SNTB1: variants seen among roughly 807,000 people sequenced by gnomAD.
SNTB1 encodes syntrophin beta 1.
A neutral mutation model predicts 48.9 loss-of-function variants in SNTB1; 36 were observed. The observed-to-expected ratio is 0.74, with a 90% CI of 0.56 to 0.97. The LOEUF (loss-of-function observed/expected upper bound fraction) is 0.97, where lower values mean the gene tolerates loss of function less well. Ranked by LOEUF, SNTB1 falls within the 50% of genes least tolerant of loss-of-function variation. The pLI, the probability that SNTB1 is intolerant of heterozygous loss-of-function variation, is 0.00. For missense variants in SNTB1, 786 were observed against 703.4 expected (o/e 1.12, Z -1.33); for synonymous variants, 299 against 294.6 (o/e 1.01, Z -0.15).
chr8:120,708,732 A>C (rs2129911493), intron 1 of SNTB1, among the ~76,000 whole-genome samples: 1 of 152,342 alleles, frequency 6.6e-6, no homozygotes. Flanking sequence ...AAGTGAGGAA[A>C]ATACATTTTA....
intron 3 of SNTB1, among the ~76,000 whole-genome samples, chr8:120,611,011 G>C (rs1428813423): frequency 6.6e-6 from 1 of 152,164 alleles, no homozygotes; most frequent in East Asian, 1.9e-4. Context: ...ACAAAGGTTA[G>C]TCTTCTGTAA....
chr8:120,788,900 A>G (rs756721696), intron 1 of SNTB1, among the ~76,000 whole-genome samples: 9 of 152,004 alleles, frequency 5.9e-5, no homozygotes, highest in Non-Finnish European at 1.3e-4. Context: ...GATCTAAAAG[A>G]CCCTTACAAA....
intron 3 of SNTB1, among the ~76,000 whole-genome samples, chr8:120,593,253 C>T (rs1816272244): frequency 6.6e-6 from 1 of 152,182 alleles, no homozygotes; most frequent in South Asian, 2.1e-4. Flanking sequence ...CCCACTGAAG[C>T]AGGCACCGAA....
chr8:120,677,365 C>G (rs1346102169), intron 2 of SNTB1, among the ~76,000 whole-genome samples: 1 of 152,140 alleles, frequency 6.6e-6, no homozygotes, highest in Non-Finnish European at 1.5e-5. Flanking sequence ...TCTGTGTTTT[C>G]TGGAGAAATT....
intron 2 of SNTB1, among the ~76,000 whole-genome samples, chr8:120,663,826 G>A (rs1817630998): frequency 6.6e-6 from 1 of 152,142 alleles, no homozygotes; most frequent in Non-Finnish European, 1.5e-5. Flanking sequence ...TATAATGGGG[G>A]TGCAGAAGTG....
intron 2 of SNTB1, among the ~76,000 whole-genome samples, chr8:120,641,859 CA>C (rs1034239644): frequency 6.6e-6 from 1 of 152,108 alleles, no homozygotes; most frequent in African/African-American, 2.4e-5. Flanking sequence ...TTGCCTCAGG[CA>C]AAAATGGATG....
At chr8:120,694,092 C>A (rs1350030742) in intron 1 of SNTB1, among the ~76,000 whole-genome samples, 184 bp from the exon 2 acceptor site, 2 of 152,118 alleles carry the variant, frequency 1.3e-5, no homozygotes, top group Non-Finnish European at 2.9e-5. Flanking sequence ...AATTATATAG[C>A]TCTGTGCATC....
chr8:120,699,802 C>T (rs1374843953), intron 1 of SNTB1, among the ~76,000 whole-genome samples: 3 of 152,046 alleles, frequency 2.0e-5, no homozygotes, highest in Admixed American at 2.0e-4. Context: ...GTGGCTATTA[C>T]TGGGGAAAAT....
intron 2 of SNTB1, among the ~76,000 whole-genome samples, chr8:120,679,982 A>G (rs1424295442): frequency 6.6e-6 from 1 of 152,094 alleles, no homozygotes; most frequent in Non-Finnish European, 1.5e-5. Context: ...CTATAGAACT[A>G]TATTTTTTCT....
intron 2 of SNTB1, among the ~76,000 whole-genome samples, chr8:120,654,526 T>G (rs1026741143): frequency 1.3e-5 from 2 of 152,148 alleles, no homozygotes; most frequent in African/African-American, 4.8e-5. Flanking sequence ...TCCACCACAG[T>G]TATGTAAATA....
chr8:120,789,435 A>T (rs2130149086), intron 1 of SNTB1, among the ~76,000 whole-genome samples: 1 of 151,992 alleles, frequency 6.6e-6, no homozygotes, highest in East Asian at 1.9e-4. Flanking sequence ...AAAAAAAATC[A>T]ATGAAACAAA....
At chr8:120,759,826 G>A (rs1354655935) in intron 1 of SNTB1, among the ~76,000 whole-genome samples, 1 of 152,154 alleles carries the variant, frequency 6.6e-6, no homozygotes, top group African/African-American at 2.4e-5. Context: ...GAAGGCCTAT[G>A]TCTTCACTCA....
chr8:120,714,221 C>G (rs1423330184), intron 1 of SNTB1, among the ~76,000 whole-genome samples: 1 of 152,118 alleles, frequency 6.6e-6, no homozygotes, highest in African/African-American at 2.4e-5. Flanking sequence ...TCTCTTTTGC[C>G]CACCACAGAG....
chr8:120,592,799 T>A (rs1039194596), intron 3 of SNTB1, among the ~76,000 whole-genome samples: 2 of 152,218 alleles, frequency 1.3e-5, no homozygotes, highest in African/African-American at 4.8e-5. Context: ...CCCTTTCTCC[T>A]ACTCTGGGGT....
intron 1 of SNTB1, among the ~76,000 whole-genome samples, chr8:120,761,700 G>T (rs1462830558): frequency 2.0e-5 from 3 of 152,302 alleles, no homozygotes; most frequent in African/African-American, 7.2e-5. Context: ...TACATATGGG[G>T]TGATCATCAG....
intron 1 of SNTB1, among the ~76,000 whole-genome samples, chr8:120,779,418 G>A (rs189884726): frequency 2.3e-4 from 35 of 152,182 alleles, no homozygotes; most frequent in Admixed American, 1.6e-3. Context: ...CAGGAGAATC[G>A]CTTGAACCTG....
At position 120,537,506 on chromosome 8, in the gene SNTB1, C is replaced by CA. The variant is rs1461845271; in HGVS notation, c.*1370dup. On this transcript the variant is annotated 3_prime_UTR_variant, in exon 7 of 7. Coordinates refer to ENST00000517992, the MANE Select transcript of SNTB1 (RefSeq NM_021021.4). Reference sequence around the variant, plus strand: ...AAATTGTGTTCCTTTAACACGGTTTCACTTTTTGAAGCTCTTTGCATGGGT... The same window carrying CA: ...AAATTGTGTTCCTTTAACACGGTTTCAACTTTTTGAAGCTCTTTGCATGGGT... 3 of 152,284 alleles carry CA rather than the reference C, an allele frequency of 2.0e-5. No individual in the cohort carries two copies. The East Asian group carries it at 5.8e-4, about 29-fold the overall frequency. 9.4% of individuals were successfully genotyped at this position (152,284 alleles called of 1,614,324 possible).
At chr8:120,751,611 T>G (rs1819215465) in intron 1 of SNTB1, among the ~76,000 whole-genome samples, 1 of 152,178 alleles carries the variant, frequency 6.6e-6, no homozygotes. Context: ...AGCATTTGAC[T>G]TATGTTGAAA....
At chr8:120,734,766 A>G (rs567733874) in intron 1 of SNTB1, among the ~76,000 whole-genome samples, 72 of 152,334 alleles carry the variant, frequency 4.7e-4, no homozygotes, top group Middle Eastern at 3.4e-3. Context: ...TGCAGCATCT[A>G]TGTCATGTGG....
Sources: gnomAD v4.1 joint callset for allele counts (sites outside exome capture counted in the v4.1 genomes callset) on GRCh38, gnomAD v4.1.1 for gene constraint, MANE v1.5 for transcripts, NCBI Gene and HGNC (gene_info 2026-07-23, HGNC 2026-07-21) for gene names.